Variants in TAFA1 observed in about 807,000 individuals in gnomAD.
The protein encoded by TAFA1 is chemokine-like protein TAFA-1.
In TAFA1, 4 loss-of-function variants were observed where a neutral mutation model predicts 18.5. The ratio of observed to expected loss-of-function variants is 0.22; its 90% CI spans 0.11 to 0.49. TAFA1 has a LOEUF of 0.49. Ranked by LOEUF, TAFA1 falls within the 20% of genes least tolerant of loss-of-function variation. The pLI, the probability that TAFA1 is intolerant of heterozygous loss-of-function variation, is 0.98. For missense variants in TAFA1, 147 were observed against 169.0 expected (o/e 0.87, Z 0.72); for synonymous variants, 56 against 55.2 (o/e 1.01, Z -0.06).
At chr3:68,105,642 T>A (rs933513450) in intron 2 of TAFA1, among the ~76,000 whole-genome samples, 10 of 152,128 alleles carry the variant, frequency 6.6e-5, no homozygotes, top group African/African-American at 2.4e-4. Context: ...AGAAGATAAA[T>A]ACCAAATTTC....
chr3:68,371,181 T>C (rs909296372), intron 2 of TAFA1, among the ~76,000 whole-genome samples: 6 of 152,320 alleles, frequency 3.9e-5, no homozygotes, highest in East Asian at 3.9e-4. Context: ...TGTTTTTTCA[T>C]TGGTAAACTG....
At chr3:68,284,254 T>C (rs1260196340) in intron 2 of TAFA1, among the ~76,000 whole-genome samples, 5 of 152,196 alleles carry the variant, frequency 3.3e-5, no homozygotes, top group Non-Finnish European at 4.4e-5. Context: ...GGGTTATTCT[T>C]AATTTTCTTG....
At chr3:68,423,024 T>C (rs1222976273) in intron 3 of TAFA1, among the ~76,000 whole-genome samples, 1 of 152,062 alleles carries the variant, frequency 6.6e-6, no homozygotes, top group Non-Finnish European at 1.5e-5. Context: ...ACCTATTTAT[T>C]TGAGAACAAT....
At chr3:68,060,421 A>G (rs935397428) in intron 2 of TAFA1, among the ~76,000 whole-genome samples, 1 of 152,192 alleles carries the variant, frequency 6.6e-6, no homozygotes, top group Non-Finnish European at 1.5e-5. Flanking sequence ...TGCAACTTCA[A>G]GTTAGCCTGG....
chr3:68,333,418 A>G (rs1024308966), intron 2 of TAFA1, among the ~76,000 whole-genome samples: 1 of 152,210 alleles, frequency 6.6e-6, no homozygotes, highest in Non-Finnish European at 1.5e-5. Context: ...TCTCATAAGT[A>G]GGAGCTAAAC....
At chr3:68,224,107 G>A (rs2066766708) in intron 2 of TAFA1, among the ~76,000 whole-genome samples, 1 of 151,434 alleles carries the variant, frequency 6.6e-6, no homozygotes, top group Non-Finnish European at 1.5e-5. Context: ...GATGTTTTCT[G>A]GTTTGCTTCT....
At chr3:68,144,921 T>C in intron 2 of TAFA1, 1 of 732,806 alleles carries the variant, frequency 1.4e-6, no homozygotes, top group African/African-American at 1.8e-5. Flanking sequence ...AGGTCATATC[T>C]TAGAGAGTTG....
rs187933247 is a variant in TAFA1, at chr3:68,394,214, G to A, written c.119-23066G>A. On this transcript the variant is annotated intron_variant, in intron 2 of 4. Transcript: ENST00000478136. ...CTCCCATTCACAATTGCTGCAAAGA[G>A]AATAAAATACCTAGGAATACAACTT... Among the ~76,000 whole-genome samples, 1,220 of 152,210 alleles carry A rather than the reference G, an allele frequency of 8.0e-3. 15 individuals are homozygous for A. Among genetic ancestry groups the A allele is most frequent in the African/African-American group, 0.028 (1,150 of 41,536 alleles).
rs905482025 is a variant in TAFA1, at chr3:68,544,654, C to A, written c.*151C>A. 2.7e-6 allele frequency: 2 copies of A among 737,716 alleles called. No individual in the cohort carries two copies. The highest frequency in any genetic ancestry group is 2.8e-5 in the East Asian group (1 of 35,746). The allele number at this position is 737,716 out of a possible 1,614,324, so 45.7% of individuals were successfully genotyped here. On this transcript the variant is annotated 3_prime_UTR_variant, in exon 5 of 5. Transcript: ENST00000478136. ...ATCACAGTGCGTTTACTGTGTGTAA[C>A]GAAATATCCTACAGTGAGAAGACAC...
chr3:68,181,223 G>A (rs554372939), intron 2 of TAFA1, among the ~76,000 whole-genome samples: 1 of 152,224 alleles, frequency 6.6e-6, no homozygotes, highest in Non-Finnish European at 1.5e-5. Context: ...AGGTGGGGCT[G>A]GCTAGTGGGG....
At chr3:68,231,931 T>G (rs1053597998) in intron 2 of TAFA1, among the ~76,000 whole-genome samples, 7 of 152,148 alleles carry the variant, frequency 4.6e-5, no homozygotes, top group Non-Finnish European at 5.9e-5. Flanking sequence ...CCTTTTATTT[T>G]TAGTTGTGAC....
intron 2 of TAFA1, among the ~76,000 whole-genome samples, chr3:68,158,854 G>A (rs2065894567): frequency 6.6e-6 from 1 of 152,116 alleles, no homozygotes; most frequent in African/African-American, 2.4e-5. Context: ...TGCATATACT[G>A]AAATAAAGAG....
intron 2 of TAFA1, among the ~76,000 whole-genome samples, chr3:68,411,469 C>T (rs1238063919): frequency 6.6e-6 from 1 of 152,014 alleles, no homozygotes. Flanking sequence ...TTGATGGGAC[C>T]CTGAAACAGG....
chr3:68,061,222 G>T (rs1260151342), intron 2 of TAFA1, among the ~76,000 whole-genome samples: 1 of 152,188 alleles, frequency 6.6e-6, no homozygotes, highest in Non-Finnish European at 1.5e-5. Flanking sequence ...TCAGCTAGAA[G>T]ACTTTGAAAA....
chr3:68,394,172 G>A (rs1051710832), intron 2 of TAFA1, among the ~76,000 whole-genome samples: 1 of 152,100 alleles, frequency 6.6e-6, no homozygotes, highest in Admixed American at 6.6e-5. Flanking sequence ...GACAAACAGA[G>A]CCAAATCATG....
intron 2 of TAFA1, among the ~76,000 whole-genome samples, chr3:68,216,878 A>G (rs2066666143): frequency 6.6e-6 from 1 of 152,156 alleles, no homozygotes; most frequent in African/African-American, 2.4e-5. Context: ...AAGCCAAAGT[A>G]CAAAATAAAT....
intron 2 of TAFA1, among the ~76,000 whole-genome samples, chr3:68,324,019 G>T (rs1286008339): frequency 6.6e-6 from 1 of 152,016 alleles, no homozygotes; most frequent in Non-Finnish European, 1.5e-5. Flanking sequence ...ACTTTATTTT[G>T]TATTTTTCTT....
chr3:68,244,258 A>G (rs1312180752), intron 2 of TAFA1, among the ~76,000 whole-genome samples: 1 of 151,952 alleles, frequency 6.6e-6, no homozygotes, highest in Admixed American at 6.6e-5. Flanking sequence ...AAAAGTTTCT[A>G]ATTTTGATGA....
intron 3 of TAFA1, among the ~76,000 whole-genome samples, chr3:68,496,627 G>T (rs1195992704): frequency 2.0e-5 from 3 of 152,090 alleles, no homozygotes; most frequent in Non-Finnish European, 4.4e-5. Flanking sequence ...GTGTTGTTTT[G>T]AGCCACCTAA....
Sources: allele counts gnomAD v4.1 joint callset (sites outside exome capture counted in the v4.1 genomes callset), GRCh38; gene constraint gnomAD v4.1.1; transcripts MANE v1.5; gene names NCBI Gene and HGNC (gene_info 2026-07-23, HGNC 2026-07-21).